The following CCDC60 variants were observed in gnomAD, a reference collection of about 807,000 sequenced individuals.
CCDC60 encodes coiled-coil domain containing 60.
In CCDC60, 54 loss-of-function variants were observed where a neutral mutation model predicts 63.5. The ratio of observed to expected loss-of-function variants is 0.85; its 90% CI spans 0.68 to 1.07. The LOEUF (loss-of-function observed/expected upper bound fraction) is 1.07, where lower values mean the gene tolerates loss of function less well. Ranked by LOEUF, CCDC60 falls within the 50% of genes least tolerant of loss-of-function variation. The pLI is 0.00. For synonymous variants in CCDC60, 206 were observed against 238.8 expected (o/e 0.86, Z 1.27); for missense variants, 651 against 684.3 (o/e 0.95, Z 0.54).
intron 1 of CCDC60, among the ~76,000 whole-genome samples, chr12:119,359,480 A>G (rs918769634): frequency 9.9e-5 from 15 of 152,000 alleles, no homozygotes; most frequent in African/African-American, 3.6e-4. Flanking sequence ...AATATTGAGA[A>G]TATTGAGTAC....
intron 1 of CCDC60, among the ~76,000 whole-genome samples, chr12:119,372,775 T>A (rs1465715176): frequency 6.6e-6 from 1 of 152,172 alleles, no homozygotes; most frequent in Non-Finnish European, 1.5e-5. Flanking sequence ...GCCTGGGCCT[T>A]AGAGGTTGCT....
At chr12:119,466,468 G>A (rs1950955472) in intron 2 of CCDC60, among the ~76,000 whole-genome samples, 1 of 152,144 alleles carries the variant, frequency 6.6e-6, no homozygotes, top group South Asian at 2.1e-4. Flanking sequence ...TGGAAATTGG[G>A]ATTAATCCGT....
At chr12:119,426,677 A>G (rs1395698950) in intron 1 of CCDC60, among the ~76,000 whole-genome samples, 1 of 152,156 alleles carries the variant, frequency 6.6e-6, no homozygotes, top group African/African-American at 2.4e-5. Context: ...TCAAGTGGGC[A>G]AGTAATAGCT....
intron 1 of CCDC60, among the ~76,000 whole-genome samples, chr12:119,393,909 A>C (rs1956204853): frequency 6.6e-6 from 1 of 152,224 alleles, no homozygotes; most frequent in African/African-American, 2.4e-5. Context: ...ACCTTCAGGA[A>C]GTGAGCACGT....
chr12:119,538,523 G>C (rs1338171041), intron 13 of CCDC60, among the ~76,000 whole-genome samples: 1 of 152,208 alleles, frequency 6.6e-6, no homozygotes, highest in Non-Finnish European at 1.5e-5. Context: ...CTGCAGACTG[G>C]AGCTGTTCCT....
intron 6 of CCDC60, among the ~76,000 whole-genome samples, chr12:119,502,360 A>C (rs1466317754): frequency 6.6e-6 from 1 of 152,232 alleles, no homozygotes; most frequent in Non-Finnish European, 1.5e-5. Flanking sequence ...CAGAAAGTGT[A>C]AGGAACCTTT....
intron 1 of CCDC60, among the ~76,000 whole-genome samples, chr12:119,341,624 T>G (rs1037071153): frequency 6.6e-6 from 1 of 152,214 alleles, no homozygotes; most frequent in Non-Finnish European, 1.5e-5. Flanking sequence ...GTCATTATTG[T>G]TACTTGTGCT....
intron 2 of CCDC60, among the ~76,000 whole-genome samples, chr12:119,447,507 ATTG>A: frequency 6.6e-6 from 1 of 152,204 alleles, no homozygotes; most frequent in East Asian, 1.9e-4. Context: ...TAATTTGGAA[ATTG>A]TTGGTGTGCC....
intron 1 of CCDC60, among the ~76,000 whole-genome samples, chr12:119,352,838 G>A (rs902457524): frequency 2.0e-5 from 3 of 152,140 alleles, no homozygotes; most frequent in African/African-American, 7.2e-5. Context: ...TACTTGGGAG[G>A]CTGAAGCAGG....
intron 2 of CCDC60, among the ~76,000 whole-genome samples, chr12:119,445,788 A>G (rs1950532915): frequency 2.0e-5 from 3 of 152,210 alleles, no homozygotes; most frequent in Admixed American, 1.3e-4. Context: ...CATCTGCAGC[A>G]ACCTGGATGA....
intron 2 of CCDC60, among the ~76,000 whole-genome samples, chr12:119,469,619 T>A (rs556391104): frequency 6.6e-6 from 1 of 152,300 alleles, no homozygotes; most frequent in South Asian, 2.1e-4. Flanking sequence ...TTCAAACTCC[T>A]GGTCCAGTGA....
intron 13 of CCDC60, among the ~76,000 whole-genome samples, chr12:119,534,382 C>T (rs897616344): frequency 2.6e-5 from 4 of 152,176 alleles, no homozygotes; most frequent in African/African-American, 9.7e-5. Flanking sequence ...TTGACTTCCT[C>T]TTTTCCTAAG....
intron 1 of CCDC60, among the ~76,000 whole-genome samples, chr12:119,385,499 GGCT>G: frequency 6.6e-6 from 1 of 152,272 alleles, no homozygotes; most frequent in East Asian, 1.9e-4. Context: ...CCTTTCACTT[GGCT>G]CGCATTCTTT....
intron 1 of CCDC60, among the ~76,000 whole-genome samples, chr12:119,349,984 CA>C (rs1444274925): frequency 6.6e-6 from 1 of 152,060 alleles, no homozygotes; most frequent in Admixed American, 6.6e-5. Flanking sequence ...TCACAAAACA[CA>C]GCCACAATTC....
At chr12:119,507,191 T>C (rs1209386564) in intron 7 of CCDC60, among the ~76,000 whole-genome samples, 5 of 151,846 alleles carry the variant, frequency 3.3e-5, no homozygotes, top group Non-Finnish European at 5.9e-5. Context: ...AGAATCTGTG[T>C]GGGGCCCTGA....
Position 119,505,097 on chromosome 12 carries a change from G to T in CCDC60, c.677G>T (p.Arg226Leu). 1 of 1,604,342 alleles carries T rather than the reference G, an allele frequency of 6.2e-7. No individual in the cohort carries two copies. Among genetic ancestry groups the T allele is most frequent in the African/African-American group, 1.3e-5 (1 of 74,572 alleles). ...KTKKFKIPTMRVTNRKPSRRG... is the reference protein window; with the variant it reads ...KTKKFKIPTMLVTNRKPSRRG... The stretch of plus-strand genomic sequence containing the variant: ...AAGAAATTCAAAATTCCCACAATGC[G>T]AGTCACCAACCGCAAACCAAGCCGG... Residue 226 changes from arginine (R) to leucine (L), a missense_variant, in exon 7 of 14, where the codon CGA becomes CTA. Arg to Leu is a moderately radical substitution (Grantham distance 102, BLOSUM62 -2). Transcript: ENST00000327554.
At chr12:119,351,058 G>T (rs1284534570) in intron 1 of CCDC60, among the ~76,000 whole-genome samples, 2 of 152,170 alleles carry the variant, frequency 1.3e-5, no homozygotes, top group African/African-American at 2.4e-5. Flanking sequence ...GTCCCCAGCT[G>T]CAGGGATCTC....
chr12:119,469,268 A>T (rs924148230), intron 2 of CCDC60, among the ~76,000 whole-genome samples: 3 of 152,136 alleles, frequency 2.0e-5, no homozygotes, highest in African/African-American at 7.2e-5. Flanking sequence ...ATTTTTTGAG[A>T]TGGAGTCTCA....
At chr12:119,445,488 AGCT>A (rs1950527963) in intron 2 of CCDC60, among the ~76,000 whole-genome samples, 1 of 87,464 alleles carries the variant, frequency 1.1e-5, no homozygotes, top group East Asian at 4.9e-4. Flanking sequence ...TTCTGCCCTG[AGCT>A]AAAAAAAAAA....
Sources: allele counts gnomAD v4.1 joint callset (sites outside exome capture counted in the v4.1 genomes callset), GRCh38; gene constraint gnomAD v4.1.1; transcripts MANE v1.5; gene names NCBI Gene and HGNC (gene_info 2026-07-23, HGNC 2026-07-21).